Variants in SIDT1 observed in about 807,000 individuals in gnomAD.
The protein encoded by SIDT1 is SID1 transmembrane family member 1, also known as SID1 transmembrane family, member 1.
In SIDT1, 101 loss-of-function variants were observed where a neutral mutation model predicts 107.5. That is an observed-to-expected ratio of 0.94 (90% CI 0.80 to 1.11). SIDT1 has a LOEUF of 1.11. SIDT1 is among the 50% of genes least tolerant of loss of function. The probability of loss-of-function intolerance (pLI) is 0.00; values close to 1 mark genes in which losing one functional copy is unlikely to be tolerated. For synonymous variants in SIDT1, 395 were observed against 398.2 expected, an observed-to-expected ratio of 0.99 and a Z score of 0.10; for missense variants, 1,076 against 1,058.2, an observed-to-expected ratio of 1.02 and a Z score of -0.23.
At chr3:113,576,816 T>G in intron 3 of SIDT1, 106 bp from the exon 4 acceptor site, 32 of 1,188,466 alleles carry the variant, frequency 2.7e-5, no homozygotes, top group Middle Eastern at 2.0e-4. Flanking sequence ...AAGCTCTCCT[T>G]GAGTCTACTT....
At position 113,624,364 on chromosome 3, in the gene SIDT1, G is replaced by A. The variant is rs141108289; in HGVS notation, c.2307+631G>A. ...ATGTAAATGGAATCACACAATACAC[G>A]GCCTTTGTGTCTGGCTTCTTTCACT... On this transcript the variant is annotated intron_variant, in intron 23 of 24. Transcript: ENST00000264852. Among the ~76,000 whole-genome samples, 429 of 152,216 alleles carry A rather than the reference G, an allele frequency of 2.8e-3. 7 individuals are homozygous for A. The highest frequency in any genetic ancestry group is 9.8e-3 in the African/African-American group (408 of 41,524).
intron 21 of SIDT1, 135 bp from the exon 22 acceptor site, chr3:113,623,292 A>AAAATGAACT (rs1946599686): frequency 1.9e-6 from 1 of 518,360 alleles, no homozygotes; most frequent in African/African-American, 2.0e-5. Context: ...AAAAAAAAAT[A>AAAATGAACT]AAATGAACTA....
chr3:113,605,358 T>C (rs1945253501), intron 14 of SIDT1, among the ~76,000 whole-genome samples: 1 of 152,038 alleles, frequency 6.6e-6, no homozygotes, highest in Non-Finnish European at 1.5e-5. Context: ...ACTCCTAACC[T>C]CAGGTGATCC....
intron 1 of SIDT1, among the ~76,000 whole-genome samples, chr3:113,543,558 C>T (rs569024900): frequency 1.6e-4 from 25 of 152,198 alleles, no homozygotes; most frequent in African/African-American, 5.8e-4. Context: ...GGGGATACCT[C>T]GTCAACTTGG....
chr3:113,623,685 G>A lies in SIDT1; in HGVS notation c.2259G>A (p.Met753Ile). ...PLFCIVATAVMWAAALYFFFQ... is the reference protein window; with the variant it reads ...PLFCIVATAVIWAAALYFFFQ... ...TCTGCATCGTGGCCACCGCTGTGAT[G>A]TGGGCTGCCGCCCTATATTTTTTCT... Residue 753 changes from methionine (M) to isoleucine (I), a missense_variant, in exon 23 of 25, where the codon ATG (methionine) becomes ATA (isoleucine). Coordinates refer to ENST00000264852, the MANE Select transcript of SIDT1 (RefSeq NM_017699.3). The A allele has an allele frequency of 6.2e-7, 1 of 1,614,162 alleles. No individual in the cohort carries two copies. The highest frequency in any genetic ancestry group is 1.1e-5 in the South Asian group (1 of 91,088).
intron 10 of SIDT1, among the ~76,000 whole-genome samples, chr3:113,599,054 C>T (rs548503799): frequency 4.6e-5 from 7 of 152,322 alleles, no homozygotes; most frequent in Admixed American, 1.3e-4. Context: ...CGCCTGAACC[C>T]GGTGGTTGAG....
intron 9 of SIDT1, among the ~76,000 whole-genome samples, chr3:113,588,306 A>G (rs1036311426): frequency 6.6e-6 from 1 of 152,264 alleles, no homozygotes; most frequent in Non-Finnish European, 1.5e-5. Context: ...ACTATTTGGC[A>G]TTCTAAATAG....
downstream of SIDT1, among the ~76,000 whole-genome samples, chr3:113,634,557 A>G (rs1947111742): frequency 1.3e-5 from 2 of 152,164 alleles, no homozygotes; most frequent in Non-Finnish European, 2.9e-5. Context: ...GTACTTTGGG[A>G]GGTCGAGGCA....
At chr3:113,630,759 T>C (rs1204779241), downstream of SIDT1, among the ~76,000 whole-genome samples, 2 of 152,144 alleles carry the variant, frequency 1.3e-5, no homozygotes, top group African/African-American at 4.8e-5. Context: ...TACGTGAGAA[T>C]GGCAAAGGTG....
At chr3:113,547,035 A>G (rs1374864048) in intron 1 of SIDT1, among the ~76,000 whole-genome samples, 1 of 152,198 alleles carries the variant, frequency 6.6e-6, no homozygotes, top group African/African-American at 2.4e-5. Context: ...TGGATCTGCC[A>G]GATGATATAA....
intron 14 of SIDT1, 70 bp downstream of exon 14, chr3:113,605,046 T>C (rs1945226313): frequency 6.5e-7 from 1 of 1,538,370 alleles, no homozygotes; most frequent in Admixed American, 1.7e-5. Context: ...CCACTGTGAC[T>C]GACAGAGAGA....
At chr3:113,535,912 C>T (rs567500570) in intron 1 of SIDT1, among the ~76,000 whole-genome samples, 1 of 152,318 alleles carries the variant, frequency 6.6e-6, no homozygotes, top group African/African-American at 2.4e-5. Flanking sequence ...ACCTTCGGTT[C>T]CTACTCTCTT....
chr3:113,532,704 G>C lies in SIDT1; in HGVS notation c.-318G>C. Reference sequence around the variant, plus strand: ...AAGAGATCGGTCTAAATTCTGGCTGGGTAAGTGGGGGGATTCTCGGCGATG... The same window carrying C: ...AAGAGATCGGTCTAAATTCTGGCTGCGTAAGTGGGGGGATTCTCGGCGATG... On this transcript the variant is annotated 5_prime_UTR_variant, in exon 1 of 25. Coordinates refer to ENST00000264852, the MANE Select transcript of SIDT1 (RefSeq NM_017699.3). The C allele has an allele frequency of 3.2e-6, 1 of 308,548 alleles. No individual in the cohort carries two copies. The highest frequency in any genetic ancestry group is 5.9e-6 in the Non-Finnish European group (1 of 168,990). 19.1% of individuals were successfully genotyped at this position (308,548 alleles called of 1,614,324 possible).
chr3:113,564,612 G>A (rs1469392325), intron 1 of SIDT1, among the ~76,000 whole-genome samples: 2 of 152,190 alleles, frequency 1.3e-5, no homozygotes, highest in Non-Finnish European at 2.9e-5. Context: ...AGGAGCTAAA[G>A]AAGCAGGAAT....
intron 9 of SIDT1, chr3:113,588,762 C>A (rs983128022): frequency 5.3e-5 from 8 of 151,494 alleles, no homozygotes; most frequent in African/African-American, 1.9e-4. Flanking sequence ...AATACTCATC[C>A]TTCCCTTTGA....
Position 113,593,035 on chromosome 3 carries a change from TG to T in SIDT1, c.1035del (p.Ser346ProfsTer27). On this transcript the variant is annotated frameshift_variant, in exon 10 of 25. Transcript: ENST00000264852. LOFTEE classifies it high-confidence loss of function. ...FQRKSIDGSF[G>X]SNDGSGNMVA... Reference sequence around the variant, plus strand: ...AGAGAAAATCCATTGATGGAAGCTTTGGGTCCAATGATGGTAAGAGCAATGC... The same window carrying T: ...AGAGAAAATCCATTGATGGAAGCTTTGGTCCAATGATGGTAAGAGCAATGC... The T allele has an allele frequency of 6.2e-7, 1 of 1,613,620 alleles. No individual in the cohort carries two copies. Among genetic ancestry groups the T allele is most frequent in the African/African-American group, 1.3e-5 (1 of 75,054 alleles).
intron 1 of SIDT1, among the ~76,000 whole-genome samples, chr3:113,542,631 T>A (rs1029799848): frequency 4.6e-5 from 7 of 152,178 alleles, no homozygotes; most frequent in Non-Finnish European, 7.3e-5. Context: ...ATTGCTCAAG[T>A]GTTTACATTA....
intron 13 of SIDT1, 93 bp from the exon 14 acceptor site, chr3:113,604,817 C>A: frequency 7.0e-7 from 1 of 1,436,080 alleles, no homozygotes. Flanking sequence ...TAATTATGGA[C>A]TTATGGGGTG....
At chr3:113,612,921 C>T (rs1225548888) in intron 19 of SIDT1, among the ~76,000 whole-genome samples, 2 of 151,994 alleles carry the variant, frequency 1.3e-5, no homozygotes, top group Non-Finnish European at 2.9e-5. Context: ...GAGCAAAAGT[C>T]CAAATAAAAG....
Sources: allele counts gnomAD v4.1 joint callset (sites outside exome capture counted in the v4.1 genomes callset), GRCh38; gene constraint gnomAD v4.1.1; transcripts MANE v1.5; gene names NCBI Gene and HGNC (gene_info 2026-07-23, HGNC 2026-07-21).